The following APOB variants were observed in gnomAD, a reference collection of about 807,000 sequenced individuals.
APOB encodes apolipoprotein B.
A neutral mutation model predicts 314.1 loss-of-function variants in APOB; 153 were observed. That is an observed-to-expected ratio of 0.49 (90% confidence interval 0.43 to 0.56). The LOEUF is 0.56. APOB is among the 20% of genes least tolerant of loss of function. The pLI, the probability that APOB is intolerant of heterozygous loss-of-function variation, is 0.00. For missense variants in APOB, 5,430 were observed against 5,350.7 expected, an observed-to-expected ratio of 1.01 and a Z score of -0.46; for synonymous variants, 2,087 against 2,036.4, an observed-to-expected ratio of 1.02 and a Z score of -0.67.
chr2:21,014,760 G>A (rs897377852), intron 23 of APOB, among the ~76,000 whole-genome samples, 167 bp from the exon 24 acceptor site: 14 of 152,200 alleles, frequency 9.2e-5, no homozygotes, highest in African/African-American at 3.1e-4. Context: ...GCCAGTCACT[G>A]ATCACTGTCC....
At position 21,009,407 on chromosome 2, in the gene APOB, GGT is replaced by G. The variant is rs1335612230; in HGVS notation, c.7459_7460del (p.Thr2487GlnfsTer57). Reference protein sequence around the residue: ...VAVYLESLQDTKITLIINWLQ... With the variant: ...VAVYLESLQDXKITLIINWLQ... The stretch of plus-strand genomic sequence containing the variant: ...ACCAATTGATGATTAAGGTTATTTT[GGT>G]GTCCTGTAGGCTTTCCAGATACACT... On this transcript the variant is annotated frameshift_variant, in exon 26 of 29. Transcript: ENST00000233242. LOFTEE classifies it high-confidence loss of function. 6.2e-7 allele frequency: 1 copy of G among 1,614,002 alleles called. No homozygotes were observed.
chr2:21,039,609 A>G (rs1271185480), intron 4 of APOB, among the ~76,000 whole-genome samples: 1 of 152,254 alleles, frequency 6.6e-6, no homozygotes, highest in African/African-American at 2.4e-5. Context: ...TGATCTGATC[A>G]CCATACATTA....
chr2:21,033,572 C>A (rs534354331), intron 8 of APOB, 54 bp from the exon 9 acceptor site: 2 of 1,454,452 alleles, frequency 1.4e-6, no homozygotes, highest in East Asian at 4.5e-5. Flanking sequence ...TCAACCATAT[C>A]TTTGTCTACT....
intron 18 of APOB, among the ~76,000 whole-genome samples, chr2:21,022,092 G>A (rs750812257): frequency 2.0e-5 from 3 of 152,116 alleles, no homozygotes; most frequent in Non-Finnish European, 4.4e-5. Flanking sequence ...AGTAGCTGGA[G>A]CTACAGGCAT....
intron 4 of APOB, among the ~76,000 whole-genome samples, chr2:21,039,215 A>G (rs1664077012): frequency 6.6e-6 from 1 of 152,234 alleles, no homozygotes; most frequent in South Asian, 2.1e-4. Flanking sequence ...TCAGGACAGC[A>G]CACTTTTCCT....
At chr2:21,042,502 C>T (rs1664156872) in intron 2 of APOB, 26 bp from the exon 3 acceptor site, 3 of 1,579,766 alleles carry the variant, frequency 1.9e-6, no homozygotes, top group Non-Finnish European at 2.6e-6. Context: ...ATACGTCAGC[C>T]ACATAGCAGA....
Position 21,007,043 on chromosome 2 carries a change from T to C in APOB, c.9825A>G (p.Pro3275=), listed in dbSNP as rs752059297. ...IEMSAFGYVF[P]KAVSMPSFSI... ...AGAAACTAGGCATGCTGACTGCTTT[T>C]GGGAACACATAGCCGAATGCCGACA... The change falls in exon 26 of 29, where the codon CCA becomes CCG. Residue 3275 remains proline, a synonymous_variant. Transcript: ENST00000233242. The C allele has an allele frequency of 6.2e-7, 1 of 1,614,040 alleles. No individual in the cohort carries two copies.
At chr2:21,029,037 G>A (rs1266244861) in intron 12 of APOB, among the ~76,000 whole-genome samples, 2 of 152,152 alleles carry the variant, frequency 1.3e-5, no homozygotes, top group South Asian at 4.1e-4. Flanking sequence ...GTAGGTGGAC[G>A]GTAGGAAGCA....
intron 20 of APOB, among the ~76,000 whole-genome samples, chr2:21,016,860 T>C (rs891516992): frequency 6.6e-6 from 1 of 151,874 alleles, no homozygotes; most frequent in Non-Finnish European, 1.5e-5. Flanking sequence ...GGTGGGTGCC[T>C]GTAGTCCCAG....
At chr2:21,003,868 A>G (rs527358463) in intron 28 of APOB, among the ~76,000 whole-genome samples, 2 of 152,312 alleles carry the variant, frequency 1.3e-5, no homozygotes, top group South Asian at 2.1e-4. Flanking sequence ...TGTAAATGAC[A>G]TGAGAGGAAT....
chr2:21,009,204 G>T lies in APOB; in HGVS notation c.7664C>A (p.Thr2555Asn), dbSNP rs1663237166. The change falls in exon 26 of 29, where the codon ACT becomes AAT. Residue 2555 changes from threonine (T) to asparagine (N), a missense_variant. Physicochemically the swap from Thr to Asn is moderately conservative, Grantham distance 65. Coordinates refer to ENST00000233242, the MANE Select transcript of APOB (RefSeq NM_000384.3). ...GTCAGTAAGGTTCTTAGCAGCAAGA[G>T]TCCACCAATCAGAAATGTAGGTGAC... is the stretch of plus-strand genomic sequence containing the variant. The part of the protein sequence containing the change: ...TLVTYISDWW[T>N]LAAKNLTDFA... 6.2e-7 allele frequency: 1 copy of T among 1,614,094 alleles called. No homozygotes were observed. The highest frequency in any genetic ancestry group is 8.5e-7 in the Non-Finnish European group (1 of 1,179,966).
chr2:21,032,688 T>C, intron 9 of APOB, 107 bp from the exon 10 acceptor site: 1 of 744,148 alleles, frequency 1.3e-6, no homozygotes, highest in Non-Finnish European at 2.1e-6. Context: ...CCTCATTCAC[T>C]ATTCAAATCT....
In APOB at chr2:21,005,297, C is replaced by T. The variant is rs113604891; in HGVS notation, c.11571G>A (p.Val3857=). The T allele has an allele frequency of 1.2e-6, 2 of 1,614,032 alleles. No homozygotes were observed. Among genetic ancestry groups the T allele is most frequent in the Non-Finnish European group, 1.7e-6 (2 of 1,179,954 alleles). Residue 3857 remains valine, a synonymous_variant, in exon 26 of 29, where the codon GTG becomes GTA. Coordinates refer to ENST00000233242, the MANE Select transcript of APOB (RefSeq NM_000384.3). ...IADFELPTII[V]PEQTIEIPSI... ...AGGGAATCTCAATGGTCTGCTCAGG[C>T]ACGATGATGGTGGGCAACTCAAAGT...
intron 15 of APOB, among the ~76,000 whole-genome samples, chr2:21,025,559 C>A (rs566529244): frequency 1.3e-5 from 2 of 151,998 alleles, no homozygotes; most frequent in Non-Finnish European, 2.9e-5. Flanking sequence ...TGATCCTAGA[C>A]AAGTTCTTCT....
At position 21,011,087 on chromosome 2, in the gene APOB, C is replaced by T. The variant is rs1346441544; in HGVS notation, c.5781G>A (p.Leu1927=). Residue 1927 remains leucine (L), a synonymous_variant, in exon 26 of 29, where the codon CTG becomes CTA. Coordinates refer to ENST00000233242, the MANE Select transcript of APOB (RefSeq NM_000384.3). ...CTGCTTTCAACAGGAATTTGCTATA[C>T]AGCTGCCCAGTATGTTCTCCCCAGA... ...LALWGEHTGQ[L]YSKFLLKAEP... The T allele has an allele frequency of 2.5e-6, 4 of 1,614,192 alleles. No individual in the cohort carries two copies. The highest frequency in any genetic ancestry group is 2.2e-5 in the East Asian group (1 of 44,888).
At position 21,043,877 on chromosome 2, in the gene APOB, C is replaced by CACCA; in HGVS notation, c.68_69insTGGT (p.Ala25GlyfsTer34). ...CCGCGCACTCACCGGCCCTGGCGCC[C>CACCA]GCCAGCAGCAGCAGCAGCAGCGCAG... On this transcript the variant is annotated frameshift_variant, in exon 1 of 29. Coordinates refer to ENST00000233242, the MANE Select transcript of APOB (RefSeq NM_000384.3). LOFTEE classifies it high-confidence loss of function. 1.3e-6 allele frequency: 2 copies of CACCA among 1,491,918 alleles called. 1 individual carries two copies. Among genetic ancestry groups the CACCA allele is most frequent in the South Asian group, 2.5e-5 (2 of 79,802 alleles). The allele number at this position is 1,491,918 out of a possible 1,614,324, so 92.4% of individuals were successfully genotyped here.
In APOB at chr2:21,010,413, G is replaced by A. The variant is rs752858245; in HGVS notation, c.6455C>T (p.Thr2152Ile). 4 of 1,597,196 alleles carry A rather than the reference G, an allele frequency of 2.5e-6. No individual in the cohort carries two copies. In the African/African-American group the frequency reaches 5.4e-5, roughly 21 times the overall value. The change falls in exon 26 of 29, where the codon ACA becomes ATA. Residue 2152 changes from threonine (T) to isoleucine (I), a missense_variant. Thr to Ile is a moderately conservative substitution (Grantham distance 89). Coordinates refer to ENST00000233242, the MANE Select transcript of APOB (RefSeq NM_000384.3). ...LTALTKKYRI[T>I]ENDIQIALDD... is the part of the protein sequence containing the mutation. ...TAATGCAATTTGTATATCATTTTCT[G>A]TAATTCTATACTTTTTTGTGAGAGC...
intron 1 of APOB, 92 bp from the exon 2 acceptor site, chr2:21,043,643 C>A: frequency 6.5e-7 from 1 of 1,538,790 alleles, no homozygotes; most frequent in South Asian, 1.2e-5. Flanking sequence ...CAGGTTTCAC[C>A]TTTCAGGAGG....
chr2:21,007,053 T>C lies in APOB; in HGVS notation c.9815A>G (p.Tyr3272Cys), dbSNP rs1220960430. 6 of 1,613,892 alleles carry C rather than the reference T, an allele frequency of 3.7e-6. No individual in the cohort carries two copies. The highest frequency in any genetic ancestry group is 3.3e-5 in the Admixed American group (2 of 59,958). Residue 3272 changes from tyrosine (Y) to cysteine (C), a missense_variant, in exon 26 of 29, where the codon TAT becomes TGT. Transcript: ENST00000233242. ...PFTIEMSAFG[Y>C]VFPKAVSMPS... is the part of the protein sequence containing the mutation. Reference sequence around the variant, plus strand: ...CATGCTGACTGCTTTTGGGAACACATAGCCGAATGCCGACATCTCTATGGT... The same window carrying C: ...CATGCTGACTGCTTTTGGGAACACACAGCCGAATGCCGACATCTCTATGGT...
Sources: allele counts gnomAD v4.1 joint callset (sites outside exome capture counted in the v4.1 genomes callset), GRCh38; gene constraint gnomAD v4.1.1; transcripts MANE v1.5; gene names NCBI Gene and HGNC (gene_info 2026-07-23, HGNC 2026-07-21).